The following CDCA2 variants were observed in gnomAD, a reference collection of about 807,000 sequenced individuals.
CDCA2 encodes the protein cell division cycle associated 2.
In CDCA2, 44 loss-of-function variants were observed where a neutral mutation model predicts 67.0. The ratio of observed to expected loss-of-function variants is 0.66; its 90% CI spans 0.52 to 0.84. The LOEUF (loss-of-function observed/expected upper bound fraction) is 0.84, where lower values mean the gene tolerates loss of function less well. Among genes scored for constraint, CDCA2 ranks in the 40% least tolerant of loss-of-function variants. CDCA2 has a pLI of 0.00. For synonymous variants in CDCA2, 447 were observed against 418.7 expected (o/e 1.07, Z -0.82); for missense variants, 1,253 against 1,203.2 (o/e 1.04, Z -0.61).
chr8:25,487,903 A>T (rs1045324764), intron 12 of CDCA2, among the ~76,000 whole-genome samples: 1 of 152,194 alleles, frequency 6.6e-6, no homozygotes, highest in South Asian at 2.1e-4. Context: ...ATATGATTTT[A>T]TGAATTTCGT....
intron 10 of CDCA2, 29 bp downstream of exon 10, chr8:25,484,239 G>A (rs1221336173): frequency 1.2e-6 from 2 of 1,606,668 alleles, no homozygotes. Flanking sequence ...GAACAAGCTT[G>A]CCATATGTAT....
chr8:25,498,593 C>A (rs563041008), intron 13 of CDCA2, among the ~76,000 whole-genome samples: 7 of 151,996 alleles, frequency 4.6e-5, no homozygotes, highest in African/African-American at 1.7e-4. Context: ...TCCCAAGTAC[C>A]CTTTACCTAG....
chr8:25,480,164 AATGC>A (rs1212753599), intron 8 of CDCA2, 40 bp downstream of exon 8: 1 of 1,520,712 alleles, frequency 6.6e-7, no homozygotes, highest in Non-Finnish European at 9.0e-7. Flanking sequence ...AATGAATAAA[AATGC>A]ATTTTGCTTC....
intron 3 of CDCA2, among the ~76,000 whole-genome samples, chr8:25,461,521 C>CAA (rs1802688043): frequency 6.6e-6 from 1 of 152,174 alleles, no homozygotes; most frequent in African/African-American, 2.4e-5. Flanking sequence ...CTTTCATTCT[C>CAA]AAAAACATCA....
At chr8:25,503,978 G>A (rs1225748690) in intron 14 of CDCA2, among the ~76,000 whole-genome samples, 1 of 151,888 alleles carries the variant, frequency 6.6e-6, no homozygotes, top group African/African-American at 2.4e-5. Flanking sequence ...CTTGAGTTCA[G>A]GAGTTTGAGG....
chr8:25,464,302 G>C (rs1563258965), intron 4 of CDCA2, among the ~76,000 whole-genome samples: 1 of 152,204 alleles, frequency 6.6e-6, no homozygotes, highest in Non-Finnish European at 1.5e-5. Context: ...TGTAGTCCAA[G>C]CTATTTGAGA....
intron 13 of CDCA2, among the ~76,000 whole-genome samples, chr8:25,498,806 G>A (rs1347927599): frequency 1.3e-5 from 2 of 152,108 alleles, no homozygotes; most frequent in East Asian, 1.9e-4. Context: ...CCCAAATGGA[G>A]TCATGTACTG....
rs1392596336 is a variant in CDCA2 at position 25,488,560 on chromosome 8, C to T, written c.1542C>T (p.Val514=). 1 of 1,603,036 alleles carries T rather than the reference C, an allele frequency of 6.2e-7. No homozygotes were observed. The highest frequency in any genetic ancestry group is 1.7e-5 in the Admixed American group (1 of 57,244). ...TTACACTTTCTTTATAGCAATTGGT[C>T]AGTGTTGTAGAAGAGAGTGTTTGCA... ...TRTSNRRNQL[V]SVVEESVCNL... Residue 514 remains valine, a synonymous_variant, in exon 13 of 15, where the codon GTC becomes GTT. Transcript: ENST00000330560.
chr8:25,463,238 T>C (rs1192648074), intron 4 of CDCA2, among the ~76,000 whole-genome samples: 4 of 152,176 alleles, frequency 2.6e-5, no homozygotes, highest in African/African-American at 9.7e-5. Context: ...GATGGGGATA[T>C]ATTTAGCTGT....
At chr8:25,497,003 A>G (rs558870649) in intron 13 of CDCA2, among the ~76,000 whole-genome samples, 17 of 152,080 alleles carry the variant, frequency 1.1e-4, no homozygotes, top group Non-Finnish European at 2.4e-4. Context: ...TATTATTTAG[A>G]AAAAAAACTC....
intron 6 of CDCA2, among the ~76,000 whole-genome samples, chr8:25,469,178 C>T (rs967258749): frequency 1.9e-4 from 29 of 152,210 alleles, no homozygotes; most frequent in Admixed American, 1.3e-4. Context: ...ACAGTTGGAA[C>T]CCTTTCTGCA....
intron 13 of CDCA2, 130 bp downstream of exon 13, chr8:25,488,819 T>G: frequency 1.2e-6 from 1 of 866,782 alleles, no homozygotes; most frequent in Non-Finnish European, 1.6e-6. Context: ...AATCTTACCG[T>G]GGAGTAGAAT....
At chr8:25,505,909 A>C (rs1032432940) in intron 14 of CDCA2, among the ~76,000 whole-genome samples, 1 of 152,128 alleles carries the variant, frequency 6.6e-6, no homozygotes. Context: ...TTCCTGGAGG[A>C]TATTTAGTCA....
chr8:25,498,826 G>A lies in CDCA2; in HGVS notation c.1672-4547G>A, dbSNP rs573876291. Among the ~76,000 whole-genome samples, 63 of 152,228 alleles carry A rather than the reference G, an allele frequency of 4.1e-4. No individual in the cohort carries two copies. In the Middle Eastern group the frequency reaches 0.01, roughly 25 times the overall value. Reference sequence around the variant, plus strand: ...ATGGAGTCATGTACTGTGTAACTCGGGGACTGGCTTTTTCACTCAGCATAA... The same window carrying A: ...ATGGAGTCATGTACTGTGTAACTCGAGGACTGGCTTTTTCACTCAGCATAA... On this transcript the variant is annotated intron_variant, in intron 13 of 14. Coordinates refer to ENST00000330560, the MANE Select transcript of CDCA2 (RefSeq NM_152562.4).
At chr8:25,479,319 T>C (rs1237864771) in intron 7 of CDCA2, among the ~76,000 whole-genome samples, 1 of 152,180 alleles carries the variant, frequency 6.6e-6, no homozygotes, top group African/African-American at 2.4e-5. Flanking sequence ...TCATCTTTAC[T>C]TCTTCAGCAC....
Position 25,466,320 on chromosome 8 carries a change from A to T in CDCA2, c.533A>T (p.Asp178Val). 4 of 1,589,214 alleles carry T rather than the reference A, an allele frequency of 2.5e-6. No homozygotes were observed. The highest frequency in any genetic ancestry group is 3.4e-6 in the Non-Finnish European group (4 of 1,172,860). Residue 178 changes from aspartate to valine, a missense_variant, in exon 5 of 15, where the codon GAC (aspartate) becomes GTC (valine). Asp to Val is a radical substitution (Grantham distance 152). Transcript: ENST00000330560. The stretch of plus-strand genomic sequence containing the variant: ...GCAGGAAAAGAGTCCGAGATGACAG[A>T]CTTGAGTGAGTAGAAATAATTCGTT... ...SEAGKESEMT[D>V]LTRKEGLSAC...
chr8:25,466,121 T>C, intron 4 of CDCA2, 54 bp from the exon 5 acceptor site: 2 of 1,520,946 alleles, frequency 1.3e-6, no homozygotes, highest in Non-Finnish European at 1.8e-6. Context: ...AGGCCTAGAA[T>C]ATAGAAAGTA....
At chr8:25,487,386 C>A (rs1052927699) in intron 12 of CDCA2, 52 bp downstream of exon 12, 6 of 1,203,342 alleles carry the variant, frequency 5.0e-6, no homozygotes, top group Non-Finnish European at 7.3e-6. Context: ...GTGCAATATA[C>A]TTTTCTGTTT....
At chr8:25,503,004 G>T (rs1804533823) in intron 13 of CDCA2, among the ~76,000 whole-genome samples, 1 of 152,158 alleles carries the variant, frequency 6.6e-6, no homozygotes, top group Admixed American at 6.5e-5. Flanking sequence ...GGGTCAGACT[G>T]GGCATTGTGG....
Sources: allele counts gnomAD v4.1 joint callset (sites outside exome capture counted in the v4.1 genomes callset), GRCh38; gene constraint gnomAD v4.1.1; transcripts MANE v1.5; gene names NCBI Gene and HGNC (gene_info 2026-07-23, HGNC 2026-07-21).